EHMT1: variants seen among roughly 807,000 people sequenced by gnomAD.
The protein encoded by EHMT1 is euchromatic histone lysine methyltransferase 1.
Under a neutral mutation model 147.2 loss-of-function variants are expected in EHMT1, and 15 were observed. The observed-to-expected ratio is 0.10, with a 90% CI of 0.07 to 0.16. The LOEUF is 0.16. EHMT1 is among the 10% of genes least tolerant of loss of function. The probability of loss-of-function intolerance (pLI) is 1.00; values close to 1 mark genes in which losing one functional copy is unlikely to be tolerated. For synonymous variants in EHMT1, 795 were observed against 709.6 expected, an observed-to-expected ratio of 1.12 and a Z score of -1.91; for missense variants, 1,587 against 1,772.4, an observed-to-expected ratio of 0.90 and a Z score of 1.88.
At chr9:137,725,653 T>C (rs192668654) in intron 3 of EHMT1, among the ~76,000 whole-genome samples, 34 of 152,230 alleles carry the variant, frequency 2.2e-4, no homozygotes, top group Non-Finnish European at 4.1e-4. Flanking sequence ...GGCAGTTTAG[T>C]GTGGGCTCAC....
At chr9:137,678,280 G>C (rs1941585023) in intron 1 of EHMT1, among the ~76,000 whole-genome samples, 1 of 152,154 alleles carries the variant, frequency 6.6e-6, no homozygotes, top group African/African-American at 2.4e-5. Context: ...CCAGCACAGT[G>C]TTTGAATGCT....
At position 137,710,979 on chromosome 9, in the gene EHMT1, A is replaced by AG. The variant is rs1564618717; in HGVS notation, c.40dup (p.Glu14GlyfsTer23). The stretch of plus-strand genomic sequence containing the variant: ...TTCTCTCTAACAGGCAGTTCCGGCG[A>AG]GGGGGGAGCCTCAGCAGGATTGCTG... On this transcript the variant is annotated frameshift_variant, in exon 2 of 27. Coordinates refer to ENST00000460843, the MANE Select transcript of EHMT1 (RefSeq NM_024757.5). LOFTEE classifies it high-confidence loss of function. 3.8e-6 allele frequency: 6 copies of AG among 1,598,010 alleles called. No individual in the cohort carries two copies. Among genetic ancestry groups the AG allele is most frequent in the Non-Finnish European group, 5.1e-6 (6 of 1,173,088 alleles).
chr9:137,736,219 GA>G (rs1947517952), intron 4 of EHMT1, among the ~76,000 whole-genome samples: 1 of 152,136 alleles, frequency 6.6e-6, no homozygotes, highest in African/African-American at 2.4e-5. Flanking sequence ...AAGAGACTAA[GA>G]AGGACAATAT....
At chr9:137,650,242 A>G (rs760762722) in intron 1 of EHMT1, among the ~76,000 whole-genome samples, 1 of 152,064 alleles carries the variant, frequency 6.6e-6, no homozygotes, top group Non-Finnish European at 1.5e-5. Context: ...AGAACTACAC[A>G]GGTGTGGGCC....
intron 6 of EHMT1, chr9:137,745,545 C>G: frequency 2.5e-6 from 1 of 398,602 alleles, no homozygotes; most frequent in Non-Finnish European, 4.4e-6. Context: ...ACAGTCACTA[C>G]AGGAACTTCC....
At position 137,828,857 on chromosome 9, in the gene EHMT1, C is replaced by T. The variant is rs1432751354; in HGVS notation, c.3541-5492C>T. Among the ~76,000 whole-genome samples the T allele has an allele frequency of 4.6e-5, 7 of 152,134 alleles. No homozygotes were observed. The highest frequency in any genetic ancestry group is 7.3e-5 in the Non-Finnish European group (5 of 68,034). On this transcript the variant is annotated intron_variant, in intron 25 of 26. Coordinates refer to ENST00000460843, the MANE Select transcript of EHMT1 (RefSeq NM_024757.5). This position sits in a 1 kb window ranked among gnomAD's most constrained non-coding sequence, Gnocchi z 5.3. ...CCAGTTCAGCACCTTGGAGAGCTGC[C>T]GCCTCTGTGCCTCCCCTCCTGCTTG... is the stretch of plus-strand genomic sequence containing the variant.
At chr9:137,636,736 A>G (rs573503600) in intron 1 of EHMT1, among the ~76,000 whole-genome samples, 2 of 152,110 alleles carry the variant, frequency 1.3e-5, no homozygotes, top group African/African-American at 2.4e-5. Context: ...CCCTAAATCC[A>G]TTTGGGTATG....
At chr9:137,648,780 TC>T (rs1014138616) in intron 1 of EHMT1, among the ~76,000 whole-genome samples, 1 of 152,188 alleles carries the variant, frequency 6.6e-6, no homozygotes, top group African/African-American at 2.4e-5. Context: ...AGTCCTGCCT[TC>T]CCCTCTCAAA....
chr9:137,634,967 G>A lies in EHMT1; in HGVS notation c.21+15918G>A, dbSNP rs553492780. On this transcript the variant is annotated intron_variant, in intron 1 of 26. Transcript: ENST00000460843. ...GATCTCCTGACCTCGTGATCCGCCG[G>A]CCTCGGCCTCCCAAAGTGCTGGGAT... is the stretch of plus-strand genomic sequence containing the variant. Among the ~76,000 whole-genome samples, 53 of 149,210 alleles carry A rather than the reference G, an allele frequency of 3.6e-4. 1 individual carries two copies. Among genetic ancestry groups the A allele is most frequent in the East Asian group, 3.4e-3 (17 of 5,034 alleles).
chr9:137,811,586 C>G lies in EHMT1; in HGVS notation c.2838C>G (p.Ala946=). The G allele has an allele frequency of 6.2e-7, 1 of 1,604,784 alleles. No individual in the cohort carries two copies. Among genetic ancestry groups the G allele is most frequent in the Non-Finnish European group, 8.5e-7 (1 of 1,179,970 alleles). ...ACGGAGACTCGCCACTGCACATTGC[C>G]GCCCGGGAGAACCGCTACGACTGTG... ...NIHGDSPLHI[A]ARENRYDCVV... The change falls in exon 19 of 27, where the codon GCC becomes GCG. Residue 946 remains alanine (A), a synonymous_variant. Transcript: ENST00000460843.
intron 25 of EHMT1, among the ~76,000 whole-genome samples, chr9:137,820,414 C>T (rs79439726): frequency 6.6e-6 from 1 of 152,364 alleles, no homozygotes; most frequent in South Asian, 2.1e-4. Flanking sequence ...TGTGTTGTCA[C>T]TCGTGTGTGC....
At chr9:137,784,530 T>C in intron 15 of EHMT1, 1 of 668,674 alleles carries the variant, frequency 1.5e-6, no homozygotes, top group East Asian at 1.1e-4. Flanking sequence ...GTCTTTTGAA[T>C]TGGTTTTATT....
At chr9:137,820,366 G>A (rs958513365) in intron 25 of EHMT1, among the ~76,000 whole-genome samples, 7 of 152,198 alleles carry the variant, frequency 4.6e-5, no homozygotes, top group South Asian at 2.1e-4. Flanking sequence ...GGAACGACTC[G>A]CCTTCTGTGG....
At chr9:137,794,826 C>T (rs1478937527) in intron 16 of EHMT1, among the ~76,000 whole-genome samples, 31 of 151,994 alleles carry the variant, frequency 2.0e-4, no homozygotes, top group Non-Finnish European at 4.3e-4. Context: ...TACCCTTCAG[C>T]GAATGATGGT....
chr9:137,695,186 CT>C (rs1943300145), intron 1 of EHMT1, among the ~76,000 whole-genome samples: 1 of 152,238 alleles, frequency 6.6e-6, no homozygotes, highest in African/African-American at 2.4e-5. Context: ...GCACGTGTTT[CT>C]TCTGTAAGGA....
At chr9:137,761,699 T>C (rs1376705037) in intron 9 of EHMT1, among the ~76,000 whole-genome samples, 1 of 152,162 alleles carries the variant, frequency 6.6e-6, no homozygotes, top group African/African-American at 2.4e-5. Context: ...CCTCGTGATC[T>C]GCCCGCCTTG....
chr9:137,743,663 G>A (rs1180566537), intron 5 of EHMT1, 135 bp downstream of exon 5: 16 of 1,374,656 alleles, frequency 1.2e-5, no homozygotes, highest in Non-Finnish European at 1.4e-5. Context: ...CTGCCATAGG[G>A]GCAGAGTGTT....
chr9:137,787,862 G>A lies in EHMT1; in HGVS notation c.2383-2986G>A. 1 of 1,126,766 alleles carries A rather than the reference G, an allele frequency of 8.9e-7. No individual in the cohort carries two copies. Among genetic ancestry groups the A allele is most frequent in the South Asian group, 1.2e-5 (1 of 81,354 alleles). The allele number at this position is 1,126,766 out of a possible 1,614,324, so 69.8% of individuals were successfully genotyped here. On this transcript the variant is annotated intron_variant, in intron 15 of 26. Coordinates refer to ENST00000460843, the MANE Select transcript of EHMT1 (RefSeq NM_024757.5). The surrounding 1 kb of genome is among the most constrained non-coding windows in gnomAD (Gnocchi z 4.2). The stretch of plus-strand genomic sequence containing the variant: ...TGGTTGACGGTGGACATTGGGGATA[G>A]GAGGTGGGTGGGGGTGCCAAGGGCA...
chr9:137,619,668 C>G (rs188821603), intron 1 of EHMT1, among the ~76,000 whole-genome samples: 176 of 152,152 alleles, frequency 1.2e-3, no homozygotes, highest in African/African-American at 4.1e-3. Context: ...CTTGCGGACT[C>G]AAGTTTATTT....
Sources: allele counts gnomAD v4.1 joint callset (sites outside exome capture counted in the v4.1 genomes callset), GRCh38; gene constraint gnomAD v4.1.1; non-coding constraint Gnocchi (gnomAD v3.1); transcripts MANE v1.5; gene names NCBI Gene and HGNC (gene_info 2026-07-23, HGNC 2026-07-21).